The following PAPLN variants were observed in gnomAD, a reference collection of about 807,000 sequenced individuals.
PAPLN encodes papilin.
PAPLN carries 146 observed loss-of-function variants against 159.0 expected under a neutral mutation model. The observed-to-expected ratio is 0.92, with a 90% confidence interval of 0.80 to 1.05. The LOEUF is 1.05. Among genes scored for constraint, PAPLN ranks in the 50% least tolerant of loss-of-function variants. PAPLN has a pLI of 0.00. For missense variants in PAPLN, 1,720 were observed against 1,743.9 expected (o/e 0.99, Z 0.24); for synonymous variants, 734 against 702.9 (o/e 1.04, Z -0.70).
At chr14:73,239,733 G>C (rs1883324606) in intron 1 of PAPLN, 40 bp from the exon 2 acceptor site, 14 of 1,541,104 alleles carry the variant, frequency 9.1e-6, no homozygotes, top group Middle Eastern at 1.8e-4. Flanking sequence ...GGACAGCTGC[G>C]GGAGCCCCGG....
intron 26 of PAPLN, among the ~76,000 whole-genome samples, chr14:73,271,503 ATTT>A (rs57834403): frequency 1.4e-5 from 2 of 143,698 alleles, no homozygotes; most frequent in Non-Finnish European, 3.1e-5. Context: ...GTAGAATGAA[ATTT>A]TTTTTTTTTT....
chr14:73,264,088 C>T (rs528096713), intron 20 of PAPLN, 123 bp from the exon 21 acceptor site: 2 of 1,570,216 alleles, frequency 1.3e-6, no homozygotes, highest in East Asian at 2.3e-5. Flanking sequence ...CCCAGCCTCA[C>T]TTGGGGTGGG....
In PAPLN at chr14:73,251,485, G is replaced by T; in HGVS notation, c.590-1G>T. 6.2e-7 allele frequency: 1 copy of T among 1,605,442 alleles called. No homozygotes were observed. On this transcript the variant is annotated splice_acceptor_variant, in intron 7 of 26. Coordinates refer to ENST00000644200, the MANE Select transcript of PAPLN (RefSeq NM_001365906.3). LOFTEE classifies it high-confidence loss of function. ...CCCAGCACCTGCGTCTCTGCCCCCA[G>T]GCTACAACCAGATCCTCATAGTTCC...
intron 3 of PAPLN, chr14:73,244,967 G>A (rs1219772966): frequency 1.5e-5 from 7 of 463,244 alleles, no homozygotes; most frequent in Admixed American, 3.9e-5. Flanking sequence ...TGGAGCACGC[G>A]TGCTGCCTGT....
rs145572358 is a variant in PAPLN at position 73,254,461 on chromosome 14, C to T, written c.1303-52C>T. 6.6e-5 allele frequency: 106 copies of T among 1,594,758 alleles called. No individual in the cohort carries two copies. In the East Asian group the frequency reaches 1.3e-3, roughly 20 times the overall value. On this transcript the variant is annotated intron_variant, in intron 12 of 26. Transcript: ENST00000644200. ...GTGGGCCGCTAGCTGTCCGAACTGG[C>T]GTGGCTCCTGGGGGCAAGGCCGAGC...
chr14:73,246,640 T>TTC (rs1178979746), intron 5 of PAPLN, among the ~76,000 whole-genome samples: 9 of 137,356 alleles, frequency 6.6e-5, no homozygotes, highest in African/African-American at 2.4e-4. Flanking sequence ...TTTTCTTTCT[T>TTC]TCTTTTTTTT....
chr14:73,264,370 C>T (rs1271341026), intron 21 of PAPLN, 35 bp downstream of exon 21: 12 of 1,595,936 alleles, frequency 7.5e-6, no homozygotes, highest in Non-Finnish European at 9.4e-6. Flanking sequence ...AGTGCGTTCT[C>T]AGGGGCCCGA....
At chr14:73,263,980 G>T in intron 20 of PAPLN, 198 bp downstream of exon 20, 1 of 1,420,104 alleles carries the variant, frequency 7.0e-7, no homozygotes, top group Non-Finnish European at 9.4e-7. Flanking sequence ...TGACAGGTGT[G>T]TGTGACAGCC....
upstream of PAPLN, among the ~76,000 whole-genome samples, chr14:73,237,160 T>TG (rs1883084179): frequency 6.6e-6 from 1 of 151,232 alleles, no homozygotes; most frequent in African/African-American, 2.4e-5. Context: ...GATCCAGGGG[T>TG]GGAGAAGGTG....
At chr14:73,268,987 T>C (rs989376484) in intron 26 of PAPLN, among the ~76,000 whole-genome samples, 5 of 152,188 alleles carry the variant, frequency 3.3e-5, no homozygotes, top group African/African-American at 1.2e-4. Context: ...GATAGCTTAA[T>C]AGACATTAAT....
At chr14:73,266,878 C>T (rs1423919198) in intron 25 of PAPLN, 47 bp downstream of exon 25, 1 of 1,522,156 alleles carries the variant, frequency 6.6e-7, no homozygotes, top group Non-Finnish European at 9.0e-7. Context: ...CCTTCACAAC[C>T]TCAGGTGTGG....
At position 73,262,605 on chromosome 14, in the gene PAPLN, G is replaced by A; in HGVS notation, c.2501G>A (p.Gly834Asp). The change falls in exon 19 of 27, where the codon GGC (glycine) becomes GAC (aspartate). Residue 834 changes from glycine (G) to aspartate (D), a missense_variant. By Grantham distance (94) the Gly-to-Asp change is moderately conservative. Transcript: ENST00000644200. The part of the protein sequence containing the change: ...HTDGGGSSPA[G>D]EQEPSQHRTG... Reference sequence around the variant, plus strand: ...GATGGTGGCGGCAGCAGTCCTGCAGGCGAGCAGGAACCCAGCCAGCACAGG... The same window carrying A: ...GATGGTGGCGGCAGCAGTCCTGCAGACGAGCAGGAACCCAGCCAGCACAGG... 4 of 1,553,856 alleles carry A rather than the reference G, an allele frequency of 2.6e-6. No homozygotes were observed. Among genetic ancestry groups the A allele is most frequent in the Non-Finnish European group, 3.5e-6 (4 of 1,147,216 alleles).
Position 73,252,135 on chromosome 14 carries a change from G to C in PAPLN, c.961G>C (p.Gly321Arg). Reference protein sequence around the residue: ...GSWSDCSAECGGGHQSRLVFC... With the variant: ...GSWSDCSAECRGGHQSRLVFC... ...ATGGAGTGACTGCAGCGCGGAGTGTGGCGGAGGTGCGGGCGTGGATGGCCC... is the reference window on the plus strand; with the variant it reads ...ATGGAGTGACTGCAGCGCGGAGTGTCGCGGAGGTGCGGGCGTGGATGGCCC... Residue 321 changes from glycine (G) to arginine (R), a missense_variant, in exon 10 of 27, where the codon GGC becomes CGC. Coordinates refer to ENST00000644200, the MANE Select transcript of PAPLN (RefSeq NM_001365906.3). 1 of 1,603,186 alleles carries C rather than the reference G, an allele frequency of 6.2e-7. No individual in the cohort carries two copies. The highest frequency in any genetic ancestry group is 8.5e-7 in the Non-Finnish European group (1 of 1,174,958).
intron 11 of PAPLN, chr14:73,253,178 G>A (rs755417063): frequency 2.0e-5 from 27 of 1,363,860 alleles, no homozygotes; most frequent in East Asian, 1.3e-4. Context: ...TACCTGCACC[G>A]GCCTGGAGCG....
chr14:73,267,505 A>C (rs531466913), intron 25 of PAPLN, among the ~76,000 whole-genome samples: 7 of 152,308 alleles, frequency 4.6e-5, no homozygotes, highest in African/African-American at 1.7e-4. Context: ...GTGTCAAGGA[A>C]GAGGGCCAGG....
Position 73,265,315 on chromosome 14 carries a change from A to G in PAPLN, c.3126-55A>G. ...AGGCTTGTGCAGAGGTGCCCATGGG[A>G]GTAGGCGGGGGCAACGGCAAGGGCC... On this transcript the variant is annotated intron_variant, in intron 22 of 26. Coordinates refer to ENST00000644200, the MANE Select transcript of PAPLN (RefSeq NM_001365906.3). The surrounding 1 kb of genome is among the most constrained non-coding windows in gnomAD (Gnocchi z 4.1). 1 of 1,582,806 alleles carries G rather than the reference A, an allele frequency of 6.3e-7. No homozygotes were observed.
In PAPLN at chr14:73,268,588, CGTGTCCACCA is replaced by C. The variant is rs1213077199; in HGVS notation, c.3535_3544del (p.Val1179ProfsTer36). Reference sequence around the variant, plus strand: ...GCTACCTGTGCAGGCTGATGGCCACCGTGTCCACCAGTCCCCAGATGGCACGCTGCTCATT... The same window carrying C: ...GCTACCTGTGCAGGCTGATGGCCACCGTCCCCAGATGGCACGCTGCTCATT... On this transcript the variant is annotated frameshift_variant, in exon 26 of 27. Transcript: ENST00000644200. LOFTEE classifies it high-confidence loss of function. 1.2e-5 allele frequency: 20 copies of C among 1,613,394 alleles called. No individual in the cohort carries two copies. Among genetic ancestry groups the C allele is most frequent in the Middle Eastern group, 3.3e-4 (2 of 6,082 alleles).
intron 18 of PAPLN, 31 bp from the exon 19 acceptor site, chr14:73,262,319 C>T (rs1886673396): frequency 6.4e-7 from 1 of 1,574,214 alleles, no homozygotes; most frequent in Admixed American, 1.7e-5. Flanking sequence ...CTGGGCACCT[C>T]AGTGACTTAT....
intron 25 of PAPLN, 118 bp from the exon 26 acceptor site, chr14:73,268,439 G>C: frequency 9.4e-7 from 1 of 1,062,046 alleles, no homozygotes; most frequent in Non-Finnish European, 1.3e-6. Flanking sequence ...TCCTCCACCT[G>C]TTTGCTCTCA....
Sources: gnomAD v4.1 joint callset for allele counts (sites outside exome capture counted in the v4.1 genomes callset) on GRCh38, gnomAD v4.1.1 for gene constraint, Gnocchi (gnomAD v3.1) non-coding constraint, MANE v1.5 for transcripts, NCBI Gene and HGNC (gene_info 2026-07-23, HGNC 2026-07-21) for gene names.